The following SLC8A2 variants were observed in gnomAD, a reference collection of about 807,000 sequenced individuals.
SLC8A2 encodes sodium/calcium exchanger 2.
SLC8A2 carries 14 observed loss-of-function variants against 70.2 expected under a neutral mutation model. That is an observed-to-expected ratio of 0.20 (90% CI 0.13 to 0.31). The LOEUF (loss-of-function observed/expected upper bound fraction) is 0.31, where lower values mean the gene tolerates loss of function less well. Ranked by LOEUF, SLC8A2 falls within the 10% of genes least tolerant of loss-of-function variation. The pLI is 1.00. For missense variants in SLC8A2, 779 were observed against 1,320.1 expected, an observed-to-expected ratio of 0.59 and a Z score of 6.35; for synonymous variants, 575 against 594.3, an observed-to-expected ratio of 0.97 and a Z score of 0.47.
intron 1 of SLC8A2, among the ~76,000 whole-genome samples, chr19:47,471,536 T>G (rs1967540432): frequency 6.6e-6 from 1 of 150,568 alleles, no homozygotes; most frequent in East Asian, 2.0e-4. Flanking sequence ...GGGGGCGGGG[T>G]GTCCTCGCCC....
chr19:47,446,873 TA>T (rs1407851147), intron 4 of SLC8A2, among the ~76,000 whole-genome samples: 1 of 152,040 alleles, frequency 6.6e-6, no homozygotes, highest in Non-Finnish European at 1.5e-5. Flanking sequence ...GTGGTGCGTA[TA>T]AATGGCTTTG....
chr19:47,447,865 G>A lies in SLC8A2; in HGVS notation c.1707C>T (p.Gly569=). 1.3e-6 allele frequency: 2 copies of A among 1,592,698 alleles called. No homozygotes were observed. Among genetic ancestry groups the A allele is most frequent in the Non-Finnish European group, 8.5e-7 (1 of 1,174,190 alleles). ...YRTVDGTARG[G]GVHYEDACGE... The stretch of plus-strand genomic sequence containing the variant: ...CGCACGCGTCCTCGTAGTGCACGCC[G>A]CCGCCGCGCGCCGTGCCGTCCACCG... The change falls in exon 4 of 10, where the codon GGC becomes GGT. Residue 569 remains glycine, a synonymous_variant. Coordinates refer to ENST00000236877, the MANE Select transcript of SLC8A2 (RefSeq NM_015063.3). The surrounding 1 kb of genome is among the most constrained non-coding windows in gnomAD (Gnocchi z 5.1).
At position 47,451,578 on chromosome 19, in the gene SLC8A2, G is replaced by A. The variant is rs1967236050; in HGVS notation, c.1341-3347C>T. On this transcript the variant is annotated intron_variant, in intron 3 of 9. Coordinates refer to ENST00000236877, the MANE Select transcript of SLC8A2 (RefSeq NM_015063.3). ...CTGGCCTTGGGCTCCCAAAGTGCTG[G>A]GATTGCAGGCATGATCCACTGCATA... 2.0e-5 allele frequency among the ~76,000 whole-genome samples: 3 copies of A among 152,230 alleles called. No homozygotes were observed. In the South Asian group the frequency reaches 6.2e-4, roughly 31 times the overall value.
intron 1 of SLC8A2, among the ~76,000 whole-genome samples, chr19:47,470,143 G>C (rs533968966): frequency 6.6e-6 from 1 of 152,204 alleles, no homozygotes; most frequent in Non-Finnish European, 1.5e-5. Context: ...GAGCGCAGGC[G>C]CTCCCATCAC....
At chr19:47,453,749 A>AAAC (rs1006018157) in intron 3 of SLC8A2, among the ~76,000 whole-genome samples, 6 of 152,012 alleles carry the variant, frequency 3.9e-5, no homozygotes, top group South Asian at 2.1e-4. Flanking sequence ...AAACATACCA[A>AAAC]AACAACAACA....
Position 47,447,604 on chromosome 19 carries a change from G to T in SLC8A2, c.1763+205C>A. The stretch of plus-strand genomic sequence containing the variant: ...CTCCTCCTGAGGGCCCAGCTGTTCA[G>T]TGAAGCCCCGCCCACGTCGTGGGCA... On this transcript the variant is annotated intron_variant, in intron 4 of 9. Coordinates refer to ENST00000236877, the MANE Select transcript of SLC8A2 (RefSeq NM_015063.3). This position sits in a 1 kb window ranked among gnomAD's most constrained non-coding sequence, Gnocchi z 5.1. 3.5e-6 allele frequency: 2 copies of T among 571,320 alleles called. No individual in the cohort carries two copies. Among genetic ancestry groups the T allele is most frequent in the Non-Finnish European group, 6.0e-6 (2 of 332,740 alleles). The allele number at this position is 571,320 out of a possible 1,614,324, so 35.4% of individuals were successfully genotyped here. A position where few individuals can be genotyped will look rare whatever the true frequency, so the allele number is the denominator to read the frequency against.
At chr19:47,444,815 C>T (rs981818365) in intron 4 of SLC8A2, among the ~76,000 whole-genome samples, 3 of 152,142 alleles carry the variant, frequency 2.0e-5, no homozygotes, top group African/African-American at 7.2e-5. Context: ...AAGCAGATTT[C>T]CTCCCCAGCC....
At chr19:47,438,117 C>A in intron 6 of SLC8A2, 144 bp from the exon 7 acceptor site, 5 of 937,588 alleles carry the variant, frequency 5.3e-6, no homozygotes, top group Non-Finnish European at 7.9e-6. Flanking sequence ...CAGCCTCCCA[C>A]CTGACCACCG....
At chr19:47,471,564 C>T (rs1967540952) in intron 1 of SLC8A2, among the ~76,000 whole-genome samples, 1 of 151,984 alleles carries the variant, frequency 6.6e-6, no homozygotes, top group Non-Finnish European at 1.5e-5. Context: ...CCCAGGCGGT[C>T]CCCCTCCCCA....
At chr19:47,435,102 A>T (rs1967009415) in intron 8 of SLC8A2, among the ~76,000 whole-genome samples, 2 of 151,896 alleles carry the variant, frequency 1.3e-5, no homozygotes, top group Admixed American at 6.6e-5. Context: ...CCAGCTACTC[A>T]GGAGGCTGAG....
chr19:47,430,302 G>C lies in SLC8A2; in HGVS notation c.2553C>G (p.Arg851=). ...WAVQGRPFEV[R]TGTLAFSVTL... ...TGACGGAGAAGGCCAGCGTGCCAGT[G>C]CGCACCTCGAAGGGGCGGCCCTGCA... The change falls in exon 10 of 10, where the codon CGC becomes CGG. Residue 851 remains arginine, a synonymous_variant. Transcript: ENST00000236877. This position sits in a 1 kb window ranked among gnomAD's most constrained non-coding sequence, Gnocchi z 5.9. The C allele has an allele frequency of 6.2e-7, 1 of 1,612,598 alleles. No individual in the cohort carries two copies. The highest frequency in any genetic ancestry group is 8.5e-7 in the Non-Finnish European group (1 of 1,179,372).
rs761163248 is a variant in SLC8A2 at position 47,466,043 on chromosome 19, C to T, written c.361G>A (p.Val121Ile). The change falls in exon 2 of 10, where the codon GTT becomes ATT. Residue 121 changes from valine to isoleucine, a missense_variant. By Grantham distance (29) the Val-to-Ile change is conservative. This residue lies in a region of SLC8A2 where 155 missense variants were observed against 318.6 expected (regional missense o/e 0.49). Transcript: ENST00000236877. The surrounding 1 kb of genome is among the most constrained non-coding windows in gnomAD (Gnocchi z 6.9). ...KANGETSVGT[V>I]RIWNETVSNL... ...GACACCGTCTCATTCCAGATGCGAACGGTGCCCACGCTGGTCTCACCGTTG... is the reference window on the plus strand; with the variant it reads ...GACACCGTCTCATTCCAGATGCGAATGGTGCCCACGCTGGTCTCACCGTTG... 20 of 1,614,174 alleles carry T rather than the reference C, an allele frequency of 1.2e-5. No individual in the cohort carries two copies. The highest frequency in any genetic ancestry group is 1.6e-5 in the Non-Finnish European group (19 of 1,180,024).
In SLC8A2 at chr19:47,452,857, A is replaced by G. The variant is rs1967261395; in HGVS notation, c.1340+4073T>C. 7.9e-5 allele frequency among the ~76,000 whole-genome samples: 12 copies of G among 151,934 alleles called. No homozygotes were observed. In the South Asian group the frequency reaches 2.5e-3, roughly 32 times the overall value. ...AGACCAGCCTGGCCAACATGGTGAAACCCCATCTCTACTAAAAATACAAAA... is the reference window on the plus strand; with the variant it reads ...AGACCAGCCTGGCCAACATGGTGAAGCCCCATCTCTACTAAAAATACAAAA... On this transcript the variant is annotated intron_variant, in intron 3 of 9. Coordinates refer to ENST00000236877, the MANE Select transcript of SLC8A2 (RefSeq NM_015063.3).
chr19:47,452,427 AG>A (rs1568444488), intron 3 of SLC8A2, among the ~76,000 whole-genome samples: 14 of 120,494 alleles, frequency 1.2e-4, no homozygotes, highest in Non-Finnish European at 2.1e-4. Context: ...AGAGAGAGAG[AG>A]AGAGAGAGAG....
At chr19:47,469,903 C>G (rs1241964879) in intron 1 of SLC8A2, among the ~76,000 whole-genome samples, 1 of 152,226 alleles carries the variant, frequency 6.6e-6, no homozygotes, top group East Asian at 1.9e-4. Flanking sequence ...CCTGTTCTGC[C>G]TCACGTGCCT....
chr19:47,444,019 C>T (rs1162382056), intron 4 of SLC8A2, among the ~76,000 whole-genome samples: 1 of 152,088 alleles, frequency 6.6e-6, no homozygotes, highest in African/African-American at 2.4e-5. Flanking sequence ...CCTCAGCCTC[C>T]TAAGTAGCTG....
intron 3 of SLC8A2, 131 bp downstream of exon 3, chr19:47,456,799 G>T: frequency 1.0e-6 from 1 of 962,806 alleles, no homozygotes; most frequent in Non-Finnish European, 1.5e-6. Flanking sequence ...TCTCAGGAAT[G>T]AATGAATGAA....
chr19:47,438,575 CCCAAAGTATGCTGACCCCTGACT>C (rs1967060584), intron 6 of SLC8A2, among the ~76,000 whole-genome samples: 1 of 151,958 alleles, frequency 6.6e-6, no homozygotes, highest in Non-Finnish European at 1.5e-5. Context: ...CGCTTCTCTC[CCCAAAGTATGCTGACCCCTGACT>C]CCAAGCCCAG....
At chr19:47,452,439 A>AGTGTGT (rs1967252617) in intron 3 of SLC8A2, among the ~76,000 whole-genome samples, 1 of 77,796 alleles carries the variant, frequency 1.3e-5, no homozygotes, top group African/African-American at 5.5e-5. Context: ...AGAGAGAGAG[A>AGTGTGT]GAGAGAGTGT....
Sources: allele counts gnomAD v4.1 joint callset (sites outside exome capture counted in the v4.1 genomes callset), GRCh38; gene constraint gnomAD v4.1.1; regional missense constraint gnomAD v4.1.1; non-coding constraint Gnocchi (gnomAD v3.1); transcripts MANE v1.5; gene names NCBI Gene and HGNC (gene_info 2026-07-23, HGNC 2026-07-21).